PIWIL2: variants seen among roughly 807,000 people sequenced by gnomAD.
The protein encoded by PIWIL2 is piwi-like protein 2.
Under a neutral mutation model 116.5 loss-of-function variants are expected in PIWIL2, and 81 were observed. That is an observed-to-expected ratio of 0.70 (90% CI 0.58 to 0.84). The LOEUF (loss-of-function observed/expected upper bound fraction) is 0.84. PIWIL2 is among the 40% of genes least tolerant of loss of function. The pLI, the probability that PIWIL2 is intolerant of heterozygous loss-of-function variation, is 0.00. For synonymous variants in PIWIL2, 489 were observed against 429.5 expected (o/e 1.14, Z -1.71); for missense variants, 1,272 against 1,212.3 (o/e 1.05, Z -0.73).
rs1376842098 is a variant in PIWIL2 at position 22,355,359 on chromosome 8, A to T, written c.2776A>T (p.Lys926Ter). 1 of 1,614,056 alleles carries T rather than the reference A, an allele frequency of 6.2e-7. No homozygotes were observed. Among genetic ancestry groups the T allele is most frequent in the Non-Finnish European group, 8.5e-7 (1 of 1,180,018 alleles). ...CTTCTTGGCCTACAGGCTGACTTTC[A>T]AACTGTGCCACATGTACTGGAATTG... ...SPDHMQRLTF[K>*]LCHMYWNWPG... The change falls in exon 23 of 23, where the codon AAA becomes TAA. Residue 926 changes from lysine (K) to a stop codon, truncating the protein, a stop_gained. Transcript: ENST00000356766. LOFTEE classifies it high-confidence loss of function.
At chr8:22,336,143 A>G (rs191508936) in intron 20 of PIWIL2, among the ~76,000 whole-genome samples, 1 of 152,340 alleles carries the variant, frequency 6.6e-6, no homozygotes, top group East Asian at 1.9e-4. Context: ...CTGTAGTCTG[A>G]CTATACCTAA....
At chr8:22,334,519 C>CAAA in intron 20 of PIWIL2, among the ~76,000 whole-genome samples, 1 of 132,284 alleles carries the variant, frequency 7.6e-6, no homozygotes, top group East Asian at 2.2e-4. Flanking sequence ...GAGTCCGTCT[C>CAAA]AAAAAAAAAA....
At chr8:22,318,398 A>G (rs568456222) in intron 20 of PIWIL2, 123 bp downstream of exon 20, 3 of 562,392 alleles carry the variant, frequency 5.3e-6, no homozygotes, top group South Asian at 4.6e-5. Flanking sequence ...GTTCACTGCA[A>G]CCTCTGCCTC....
At chr8:22,321,996 T>C in intron 20 of PIWIL2, 1 of 984,664 alleles carries the variant, frequency 1.0e-6, no homozygotes, top group Non-Finnish European at 1.2e-6. Flanking sequence ...CATGCAATAA[T>C]AAAATGCTTC....
At position 22,284,247 on chromosome 8, in the gene PIWIL2, G is replaced by GT; in HGVS notation, c.721dup (p.Tyr241LeufsTer35). 1 of 1,591,260 alleles carries GT rather than the reference G, an allele frequency of 6.3e-7. No individual in the cohort carries two copies. Among genetic ancestry groups the GT allele is most frequent in the Non-Finnish European group, 8.6e-7 (1 of 1,163,630 alleles). The stretch of plus-strand genomic sequence containing the variant: ...CAAAATACAGTGTCATAATGAAGCA[G>GT]TTTATCAATATCATGTGACTTTCAG... On this transcript the variant is annotated frameshift_variant, in exon 6 of 23. Coordinates refer to ENST00000356766, the MANE Select transcript of PIWIL2 (RefSeq NM_018068.5). LOFTEE classifies it high-confidence loss of function.
chr8:22,292,257 C>T (rs151007095), intron 10 of PIWIL2, among the ~76,000 whole-genome samples: 105 of 151,950 alleles, frequency 6.9e-4, no homozygotes, highest in African/African-American at 2.5e-3. Flanking sequence ...GAGCAGTGCA[C>T]GGGCAAGACC....
intron 20 of PIWIL2, among the ~76,000 whole-genome samples, chr8:22,349,398 G>T (rs1832301843): frequency 7.3e-6 from 1 of 136,386 alleles, no homozygotes; most frequent in South Asian, 2.5e-4. Context: ...CTCAACTTTT[G>T]TGTACAATAT....
chr8:22,353,764 CTTT>C lies in PIWIL2; in HGVS notation c.2658-481_2658-479del, dbSNP rs760913894. On this transcript the variant is annotated intron_variant, in intron 21 of 22. Transcript: ENST00000356766. ...CAGGAAGATAAGGGAGTTTCTACCA[CTTT>C]TTTTTTTTTTTTTTTTTTTTTTTTT... Among the ~76,000 whole-genome samples the C allele has an allele frequency of 2.0e-4, 14 of 68,362 alleles. No homozygotes were observed. The East Asian group carries it at 3.4e-3, about 17-fold the overall frequency. 44.8% of individuals were successfully genotyped at this position (68,362 alleles called of 152,430 possible). A position where few individuals can be genotyped will look rare whatever the true frequency, so the allele number is the denominator to read the frequency against.
At chr8:22,286,044 AAGAG>A (rs1418921096) in intron 6 of PIWIL2, among the ~76,000 whole-genome samples, 1 of 152,226 alleles carries the variant, frequency 6.6e-6, no homozygotes, top group African/African-American at 2.4e-5. Flanking sequence ...AGTGGAGTGA[AAGAG>A]AGGAGAAAGG....
chr8:22,347,641 C>T (rs1347626698), intron 20 of PIWIL2, among the ~76,000 whole-genome samples: 2 of 151,238 alleles, frequency 1.3e-5, no homozygotes, highest in African/African-American at 4.9e-5. Flanking sequence ...GTTCTCCTAC[C>T]TCAGCCTCCT....
chr8:22,331,968 T>C (rs1226241446), intron 20 of PIWIL2, among the ~76,000 whole-genome samples: 1 of 152,088 alleles, frequency 6.6e-6, no homozygotes, highest in African/African-American at 2.4e-5. Context: ...CCCCTAACAA[T>C]GGATAACAGT....
intron 20 of PIWIL2, among the ~76,000 whole-genome samples, chr8:22,338,465 C>T (rs1218541764): frequency 2.0e-5 from 3 of 151,982 alleles, no homozygotes; most frequent in African/African-American, 4.8e-5. Flanking sequence ...CCGAGGTGGG[C>T]GGATCACCTG....
Position 22,311,306 on chromosome 8 carries a change from A to G in PIWIL2, c.1989+6A>G. ...AATCCACGTTAGGAGCTGAGGTAAA[A>G]ATGTAATTCAAATAAATTTATAGGA... On this transcript the variant is annotated splice_donor_region_variant and intron_variant, in intron 16 of 22. Coordinates refer to ENST00000356766, the MANE Select transcript of PIWIL2 (RefSeq NM_018068.5). 1.9e-6 allele frequency: 3 copies of G among 1,586,112 alleles called. No homozygotes were observed. The highest frequency in any genetic ancestry group is 2.6e-6 in the Non-Finnish European group (3 of 1,164,774).
intron 7 of PIWIL2, 71 bp from the exon 8 acceptor site, chr8:22,288,471 A>G (rs1287243227): frequency 8.0e-7 from 1 of 1,254,584 alleles, no homozygotes; most frequent in East Asian, 2.3e-5. Flanking sequence ...ACACAGTTGA[A>G]TTAGATTAGG....
rs1056630626 is a variant in PIWIL2 at position 22,356,860 on chromosome 8, T to C, written c.*1355T>C. 6.6e-6 allele frequency: 1 copy of C among 152,146 alleles called. No homozygotes were observed. The highest frequency in any genetic ancestry group is 1.5e-5 in the Non-Finnish European group (1 of 68,028). 9.4% of individuals were successfully genotyped at this position (152,146 alleles called of 1,614,324 possible). A position where few individuals can be genotyped will look rare whatever the true frequency, so the allele number is the denominator to read the frequency against. On this transcript the variant is annotated 3_prime_UTR_variant, in exon 23 of 23. Coordinates refer to ENST00000356766, the MANE Select transcript of PIWIL2 (RefSeq NM_018068.5). ...AAACCCGTTTTTTTCTGGTTTTTTT[T>C]CCCCCCTCTCCATTTTAGAATCTTC...
At chr8:22,302,819 G>C (rs1434367419) in intron 10 of PIWIL2, among the ~76,000 whole-genome samples, 2 of 152,148 alleles carry the variant, frequency 1.3e-5, no homozygotes, top group African/African-American at 4.8e-5. Context: ...TCTAAGCATA[G>C]ATGGTTTCCC....
chr8:22,291,388 A>G (rs1013721465), intron 10 of PIWIL2, among the ~76,000 whole-genome samples: 2 of 151,684 alleles, frequency 1.3e-5, no homozygotes, highest in Admixed American at 1.3e-4. Flanking sequence ...TGAGCTCAGG[A>G]GATCTGCCCG....
intron 10 of PIWIL2, among the ~76,000 whole-genome samples, chr8:22,294,336 T>TAAAA (rs71544871): frequency 2.5e-5 from 2 of 80,682 alleles, no homozygotes; most frequent in Non-Finnish European, 4.6e-5. Context: ...AGACTGTCTT[T>TAAAA]AAAAAAAAAA....
chr8:22,317,903 T>TGTC, intron 19 of PIWIL2, among the ~76,000 whole-genome samples: 1 of 152,160 alleles, frequency 6.6e-6, no homozygotes, highest in Non-Finnish European at 1.5e-5. Context: ...CCTCGTGATC[T>TGTC]GTCCACCTTG....
Sources: allele counts gnomAD v4.1 joint callset (sites outside exome capture counted in the v4.1 genomes callset), GRCh38; gene constraint gnomAD v4.1.1; transcripts MANE v1.5; gene names NCBI Gene and HGNC (gene_info 2026-07-23, HGNC 2026-07-21).